The following ANKRD17 variants were observed in gnomAD, a reference collection of about 807,000 sequenced individuals.
ANKRD17 encodes the protein ankyrin repeat domain-containing protein 17.
Under a neutral mutation model 229.7 loss-of-function variants are expected in ANKRD17, and 19 were observed. The ratio of observed to expected loss-of-function variants is 0.08; its 90% CI spans 0.06 to 0.12. The LOEUF (loss-of-function observed/expected upper bound fraction) is 0.12, where lower values mean the gene tolerates loss of function less well. Among genes scored for constraint, ANKRD17 ranks in the 10% least tolerant of loss-of-function variants. ANKRD17 has a pLI of 1.00. For missense variants in ANKRD17, 2,176 were observed against 3,176.8 expected, an observed-to-expected ratio of 0.68 and a Z score of 7.57; for synonymous variants, 1,112 against 1,146.1, an observed-to-expected ratio of 0.97 and a Z score of 0.60.
At position 73,091,871 on chromosome 4, in the gene ANKRD17, T is replaced by A; in HGVS notation, c.5757A>T (p.Pro1919=). The A allele has an allele frequency of 1.9e-6, 3 of 1,614,188 alleles. No homozygotes were observed. The highest frequency in any genetic ancestry group is 1.7e-6 in the Non-Finnish European group (2 of 1,180,026). The change falls in exon 29 of 34, where the codon CCA becomes CCT. Residue 1919 remains proline, a synonymous_variant. Coordinates refer to ENST00000358602, the MANE Select transcript of ANKRD17 (RefSeq NM_032217.5). ...GAAACGGACCCCAAGTGGATTGAGC[T>A]GGTGGAAAAGTACCTCCAAAGTGGG... ...PMTHFGGTFP[P]AQSTWGPFPV...
chr4:73,209,690 C>T (rs527573744), intron 1 of ANKRD17, among the ~76,000 whole-genome samples: 1 of 152,068 alleles, frequency 6.6e-6, no homozygotes, highest in African/African-American at 2.4e-5. Context: ...GCCTTAAAAT[C>T]CTTAACAAGA....
At chr4:73,112,489 CA>C in intron 24 of ANKRD17, 2 of 205,364 alleles carry the variant, frequency 9.7e-6, no homozygotes, top group Non-Finnish European at 1.7e-5. Flanking sequence ...TTTAAATGGC[CA>C]AAACAGCTAC....
In ANKRD17 at chr4:73,156,294, G is replaced by C. The variant is rs1476904910; in HGVS notation, c.705-128C>G. 4 of 1,163,024 alleles carry C rather than the reference G, an allele frequency of 3.4e-6. 1 individual carries two copies. The highest frequency in any genetic ancestry group is 3.5e-5 in the South Asian group (2 of 56,514). 72.0% of individuals were successfully genotyped at this position (1,163,024 alleles called of 1,614,324 possible). ...GGAGTCTTGCTCTGTCACCCAGGAG[G>C]GGGTACAGTGATGCAATCAGCTCAC... On this transcript the variant is annotated intron_variant, in intron 3 of 33. Coordinates refer to ENST00000358602, the MANE Select transcript of ANKRD17 (RefSeq NM_032217.5).
At chr4:73,095,203 C>G (rs1284973267) in intron 27 of ANKRD17, among the ~76,000 whole-genome samples, 3 of 151,962 alleles carry the variant, frequency 2.0e-5, no homozygotes, top group Non-Finnish European at 2.9e-5. Context: ...TCATTACTTC[C>G]CTGTATTCTT....
chr4:73,118,782 T>G lies in ANKRD17; in HGVS notation c.4094A>C (p.His1365Pro). 1 of 1,613,758 alleles carries G rather than the reference T, an allele frequency of 6.2e-7. No homozygotes were observed. The highest frequency in any genetic ancestry group is 8.5e-7 in the Non-Finnish European group (1 of 1,179,908). The change falls in exon 22 of 34, where the codon CAC becomes CCC. Residue 1365 changes from histidine (H) to proline (P), a missense_variant. His to Pro is a moderately conservative substitution (Grantham distance 77). Transcript: ENST00000358602. ...TPLWLAANGG[H>P]LDVVQLLVQA... is the part of the protein sequence containing the mutation. Reference sequence around the variant, plus strand: ...CACCAGTAACTGAACCACATCGAGGTGTCCACCATTTGCTGCTAGCCACAA... The same window carrying G: ...CACCAGTAACTGAACCACATCGAGGGGTCCACCATTTGCTGCTAGCCACAA...
At chr4:73,141,637 T>C in intron 14 of ANKRD17, 104 bp downstream of exon 14, 1 of 1,107,212 alleles carries the variant, frequency 9.0e-7, no homozygotes, top group South Asian at 1.5e-5. Flanking sequence ...AATTTAGTAA[T>C]GCCAACTTAG....
chr4:73,208,620 A>G (rs1332467748), intron 1 of ANKRD17, among the ~76,000 whole-genome samples: 4 of 152,230 alleles, frequency 2.6e-5, no homozygotes, highest in Non-Finnish European at 5.9e-5. Context: ...TAACAGCCTT[A>G]GGCATTAGAG....
intron 1 of ANKRD17, among the ~76,000 whole-genome samples, chr4:73,244,822 A>T (rs1387212157): frequency 6.6e-6 from 1 of 152,142 alleles, no homozygotes; most frequent in Non-Finnish European, 1.5e-5. Flanking sequence ...AGATCTAATG[A>T]TCTGTGCTAT....
intron 1 of ANKRD17, among the ~76,000 whole-genome samples, chr4:73,254,689 A>G (rs1745305282): frequency 6.6e-6 from 1 of 151,522 alleles, no homozygotes; most frequent in Non-Finnish European, 1.5e-5. Flanking sequence ...AATCATTTGA[A>G]CCCGGGAGGT....
chr4:73,173,369 T>G (rs1427736947), intron 2 of ANKRD17, among the ~76,000 whole-genome samples: 1 of 152,118 alleles, frequency 6.6e-6, no homozygotes, highest in Non-Finnish European at 1.5e-5. Context: ...CATTCCACTT[T>G]CAGCATTGGA....
At chr4:73,247,633 C>G (rs1744618554) in intron 1 of ANKRD17, among the ~76,000 whole-genome samples, 1 of 151,894 alleles carries the variant, frequency 6.6e-6, no homozygotes, top group Non-Finnish European at 1.5e-5. Context: ...AGCATTTACT[C>G]TAAGAATGGA....
intron 6 of ANKRD17, among the ~76,000 whole-genome samples, chr4:73,152,443 C>T (rs777736634): frequency 6.6e-5 from 10 of 152,086 alleles, no homozygotes; most frequent in Non-Finnish European, 1.3e-4. Context: ...TCTTCCCTAA[C>T]TCCTCCTTGT....
chr4:73,173,283 G>A (rs375615000), intron 2 of ANKRD17, among the ~76,000 whole-genome samples: 13 of 152,232 alleles, frequency 8.5e-5, no homozygotes, highest in African/African-American at 3.1e-4. Context: ...ACCTAACACT[G>A]GAGCACAAAG....
chr4:73,149,512 TA>T (rs1380311106), intron 7 of ANKRD17, among the ~76,000 whole-genome samples: 1 of 152,110 alleles, frequency 6.6e-6, no homozygotes, highest in Non-Finnish European at 1.5e-5. Context: ...CATGCTGTGT[TA>T]GGGGAACACA....
intron 1 of ANKRD17, among the ~76,000 whole-genome samples, chr4:73,179,404 TTA>T (rs1048918194): frequency 9.0e-5 from 13 of 144,304 alleles, no homozygotes; most frequent in Middle Eastern, 3.6e-3. Context: ...ATATTTTAAA[TTA>T]TATATATATG....
chr4:73,168,605 A>C (rs910927460), intron 2 of ANKRD17, among the ~76,000 whole-genome samples: 4 of 152,200 alleles, frequency 2.6e-5, no homozygotes, highest in African/African-American at 9.6e-5. Context: ...CTCATTATTC[A>C]GTTATTCACA....
At chr4:73,212,230 C>T (rs13121823) in intron 1 of ANKRD17, among the ~76,000 whole-genome samples, 152,119 of 152,292 alleles carry the variant, frequency 1, 75,974 homozygotes, top group Middle Eastern at 1. Context: ...TGTTGAGTCA[C>T]TGAAGATACC....
rs1265878521 is a variant in ANKRD17 at position 73,090,837 on chromosome 4, G to A, written c.6791C>T (p.Ser2264Phe). 1.2e-6 allele frequency: 2 copies of A among 1,614,110 alleles called. No homozygotes were observed. The highest frequency in any genetic ancestry group is 8.5e-7 in the Non-Finnish European group (1 of 1,180,050). ...AGATCCTCCCCAGAAGGCATGAGCAGAAGTAGGGCTGTTTTCAAACAATGT... is the reference window on the plus strand; with the variant it reads ...AGATCCTCCCCAGAAGGCATGAGCAAAAGTAGGGCTGTTTTCAAACAATGT... ...FSTLFENSPT[S>F]AHAFWGGSVV... is the part of the protein sequence containing the mutation. The change falls in exon 29 of 34, where the codon TCT (serine) becomes TTT (phenylalanine). Residue 2264 changes from serine to phenylalanine, a missense_variant. By Grantham distance (155) the Ser-to-Phe change is radical (BLOSUM62 -2). This residue lies in a region of ANKRD17 where 424 missense variants were observed against 454.0 expected (regional missense o/e 0.93). Transcript: ENST00000358602.
chr4:73,183,388 C>T (rs1735841646), intron 1 of ANKRD17, among the ~76,000 whole-genome samples: 1 of 152,104 alleles, frequency 6.6e-6, no homozygotes, highest in African/African-American at 2.4e-5. Context: ...TTAAAGAAAA[C>T]AAAGCTTCAT....
Sources: allele counts gnomAD v4.1 joint callset (sites outside exome capture counted in the v4.1 genomes callset), GRCh38; gene constraint gnomAD v4.1.1; regional missense constraint gnomAD v4.1.1; transcripts MANE v1.5; gene names NCBI Gene and HGNC (gene_info 2026-07-23, HGNC 2026-07-21).